The following TRPM3 variants were observed in gnomAD, a reference collection of about 807,000 sequenced individuals.
TRPM3 encodes the protein long transient receptor potential channel 3.
TRPM3 carries 77 observed loss-of-function variants against 181.2 expected under a neutral mutation model. The observed-to-expected ratio is 0.42, with a 90% CI of 0.35 to 0.51. The LOEUF is 0.51. TRPM3 is among the 20% of genes least tolerant of loss of function. TRPM3 has a pLI of 0.01. For synonymous variants in TRPM3, 745 were observed against 796.4 expected, an observed-to-expected ratio of 0.94 and a Z score of 1.09; for missense variants, 1,759 against 2,196.7, an observed-to-expected ratio of 0.80 and a Z score of 3.98.
chr9:71,277,263 AC>A (rs2084286816), intron 1 of TRPM3, among the ~76,000 whole-genome samples: 1 of 152,102 alleles, frequency 6.6e-6, no homozygotes, highest in Non-Finnish European at 1.5e-5. Flanking sequence ...TGGCCACACC[AC>A]CCTCACGTGC....
intron 1 of TRPM3, among the ~76,000 whole-genome samples, chr9:71,209,425 T>A (rs2079338554): frequency 6.6e-6 from 1 of 151,848 alleles, no homozygotes; most frequent in South Asian, 2.1e-4. Context: ...AGAGACTGAC[T>A]TCTTTTCTTC....
In TRPM3 at chr9:71,183,553, A is replaced by G. The variant is rs554867145; in HGVS notation, c.183+263100T>C. On this transcript the variant is annotated intron_variant, in intron 1 of 24. Transcript: ENST00000357533. The stretch of plus-strand genomic sequence containing the variant: ...GTTGCACTGCATAATATTTATTATT[A>G]TATACTAACCTATTCTTTTCCAAGC... Among the ~76,000 whole-genome samples the G allele has an allele frequency of 5.1e-4, 77 of 152,274 alleles. No individual in the cohort carries two copies. The South Asian group carries it at 0.015, about 29-fold the overall frequency.
chr9:71,300,242 G>A (rs539642189), intron 1 of TRPM3, among the ~76,000 whole-genome samples: 9 of 151,986 alleles, frequency 5.9e-5, no homozygotes, highest in Non-Finnish European at 8.8e-5. Flanking sequence ...ATATAATCTC[G>A]TTGGTGGTCA....
At chr9:70,979,361 GT>G (rs1438703475) in intron 1 of TRPM3, among the ~76,000 whole-genome samples, 1 of 152,160 alleles carries the variant, frequency 6.6e-6, no homozygotes, top group Non-Finnish European at 1.5e-5. Flanking sequence ...AAGTACAAAG[GT>G]GAATATAATG....
chr9:71,184,937 A>T (rs1252872606), intron 1 of TRPM3, among the ~76,000 whole-genome samples: 1 of 152,164 alleles, frequency 6.6e-6, no homozygotes, highest in East Asian at 1.9e-4. Flanking sequence ...CTGTCAACAC[A>T]CATATAGAAA....
chr9:70,632,729 A>G (rs933309519), intron 12 of TRPM3, among the ~76,000 whole-genome samples: 1 of 152,310 alleles, frequency 6.6e-6, no homozygotes, highest in South Asian at 2.1e-4. Context: ...AAAGGAAAAA[A>G]AAAAGCTGCT....
At position 70,546,633 on chromosome 9, in the gene TRPM3, A is replaced by G. The variant is rs977808278; in HGVS notation, c.3707+2909T>C. ...CACAACATTTGATAGAACAGGCTTCAAGAATTGGTTATCTTCAGCCAAGAG... is the reference window on the plus strand; with the variant it reads ...CACAACATTTGATAGAACAGGCTTCGAGAATTGGTTATCTTCAGCCAAGAG... On this transcript the variant is annotated intron_variant, in intron 25 of 25. Transcript: ENST00000677713. Among the ~76,000 whole-genome samples the G allele has an allele frequency of 3.2e-4, 49 of 151,762 alleles. 1 individual carries two copies. The highest frequency in any genetic ancestry group is 1.4e-3 in the Admixed American group (21 of 15,222).
At chr9:70,821,487 T>C (rs899592818) in intron 6 of TRPM3, among the ~76,000 whole-genome samples, 6 of 152,234 alleles carry the variant, frequency 3.9e-5, no homozygotes, top group African/African-American at 9.6e-5. Context: ...GTATCCACTC[T>C]TTAAGCTAAC....
chr9:71,282,170 TGAAA>T (rs34280655), intron 1 of TRPM3, among the ~76,000 whole-genome samples: 3,566 of 16,556 alleles, frequency 0.22, 691 homozygotes, highest in East Asian at 0.31. Context: ...AAAGAAAGAA[TGAAA>T]GAAAGAAAGA....
At chr9:71,313,362 A>G (rs1269730648) in intron 1 of TRPM3, among the ~76,000 whole-genome samples, 2 of 152,182 alleles carry the variant, frequency 1.3e-5, no homozygotes, top group Non-Finnish European at 2.9e-5. Flanking sequence ...GAGACTTCAT[A>G]CCTGATTCCT....
chr9:70,877,215 G>A (rs12000979), intron 1 of TRPM3, among the ~76,000 whole-genome samples: 31,022 of 151,712 alleles, frequency 0.2, 3,297 homozygotes, highest in East Asian at 0.36. Flanking sequence ...GGATCTCACC[G>A]GCCTTACATG....
Position 71,382,688 on chromosome 9 carries a change from CT to C in TRPM3, c.183+63964del, listed in dbSNP as rs11449039. Among the ~76,000 whole-genome samples the C allele has an allele frequency of 2.1e-3, 304 of 146,484 alleles. 3 individuals are homozygous for C. The highest frequency in any genetic ancestry group is 4.8e-3 in the African/African-American group (193 of 40,008). On this transcript the variant is annotated intron_variant, in intron 1 of 24. Coordinates refer to the TRPM3 transcript ENST00000357533. ...AATATAACTTTTATATCTGTATAGT[CT>C]TTTTTTTTTTTGCACTTTATCATAT...
intron 1 of TRPM3, among the ~76,000 whole-genome samples, chr9:71,043,334 G>C (rs2059044385): frequency 6.6e-6 from 1 of 152,166 alleles, no homozygotes; most frequent in Non-Finnish European, 1.5e-5. Flanking sequence ...AGAAAAGATG[G>C]AGGAGCCTGG....
At chr9:71,131,730 C>CA in intron 1 of TRPM3, among the ~76,000 whole-genome samples, 1 of 152,024 alleles carries the variant, frequency 6.6e-6, no homozygotes, top group Non-Finnish European at 1.5e-5. Flanking sequence ...ATTCAACTCT[C>CA]AAAAAATTAA....
chr9:70,807,746 C>A (rs941297936), intron 6 of TRPM3, among the ~76,000 whole-genome samples: 3 of 152,008 alleles, frequency 2.0e-5, no homozygotes, highest in African/African-American at 7.3e-5. Flanking sequence ...CTCCATTCTA[C>A]CAAAAGGAGC....
At chr9:70,917,878 G>A (rs569309998) in intron 1 of TRPM3, among the ~76,000 whole-genome samples, 55 of 151,816 alleles carry the variant, frequency 3.6e-4, no homozygotes, top group Non-Finnish European at 3.5e-4. Context: ...AAACAAGATC[G>A]AATGATCTGT....
At chr9:71,378,975 G>A (rs183905942) in intron 1 of TRPM3, among the ~76,000 whole-genome samples, 1 of 151,750 alleles carries the variant, frequency 6.6e-6, no homozygotes, top group East Asian at 1.9e-4. Flanking sequence ...ATGTGCTATG[G>A]GTTTGAAGAT....
intron 1 of TRPM3, among the ~76,000 whole-genome samples, chr9:71,053,564 A>C (rs951813105): frequency 3.9e-5 from 6 of 152,096 alleles, no homozygotes; most frequent in African/African-American, 1.4e-4. Context: ...GCCACCTAAA[A>C]TTCCACTGCC....
intron 1 of TRPM3, among the ~76,000 whole-genome samples, chr9:71,430,487 T>C (rs11142826): frequency 0.014 from 2,191 of 152,308 alleles, 48 homozygotes; most frequent in African/African-American, 0.047. Flanking sequence ...TGTAGTCTTA[T>C]AGTTTTTATA....
Sources: gnomAD v4.1 joint callset for allele counts (sites outside exome capture counted in the v4.1 genomes callset) on GRCh38, gnomAD v4.1.1 for gene constraint, MANE v1.5 for transcripts, NCBI Gene and HGNC (gene_info 2026-07-23, HGNC 2026-07-21) for gene names.